The following SNTB1 variants were observed in gnomAD, a reference collection of about 807,000 sequenced individuals.
SNTB1 encodes the protein beta-1-syntrophin.
A neutral mutation model predicts 48.9 loss-of-function variants in SNTB1; 36 were observed. The observed-to-expected ratio is 0.74, with a 90% CI of 0.56 to 0.97. The LOEUF (loss-of-function observed/expected upper bound fraction) is 0.97, where lower values mean the gene tolerates loss of function less well. SNTB1 is among the 50% of genes least tolerant of loss of function. SNTB1 has a pLI of 0.00. For missense variants in SNTB1, 786 were observed against 703.4 expected, an observed-to-expected ratio of 1.12 and a Z score of -1.33; for synonymous variants, 299 against 294.6, an observed-to-expected ratio of 1.01 and a Z score of -0.15.
At chr8:120,790,614 A>C (rs1330217206) in intron 1 of SNTB1, among the ~76,000 whole-genome samples, 1 of 152,016 alleles carries the variant, frequency 6.6e-6, no homozygotes, top group Non-Finnish European at 1.5e-5. Context: ...GAATAAAACC[A>C]AGAACACAAT....
intron 1 of SNTB1, among the ~76,000 whole-genome samples, chr8:120,726,150 C>G (rs1448474662): frequency 6.6e-6 from 1 of 152,164 alleles, no homozygotes; most frequent in Non-Finnish European, 1.5e-5. Context: ...ATAAGCAAAA[C>G]TATTTTCCTC....
intron 2 of SNTB1, among the ~76,000 whole-genome samples, chr8:120,687,468 T>C (rs992801106): frequency 4.0e-5 from 6 of 151,644 alleles, no homozygotes; most frequent in South Asian, 2.1e-4. Flanking sequence ...GGAGTGGGAG[T>C]GTTGGCAAAG....
intron 2 of SNTB1, among the ~76,000 whole-genome samples, chr8:120,676,915 C>T: frequency 6.6e-6 from 1 of 151,928 alleles, no homozygotes; most frequent in Non-Finnish European, 1.5e-5. Context: ...CAAAAATTAG[C>T]TGGGCATGGT....
chr8:120,660,256 A>G (rs1216197439), intron 2 of SNTB1, among the ~76,000 whole-genome samples: 1 of 152,206 alleles, frequency 6.6e-6, no homozygotes, highest in Non-Finnish European at 1.5e-5. Context: ...TCTTCTTCCA[A>G]TTCTAGGCTG....
intron 1 of SNTB1, among the ~76,000 whole-genome samples, chr8:120,766,756 GT>G (rs1819532525): frequency 6.6e-6 from 1 of 152,134 alleles, no homozygotes; most frequent in African/African-American, 2.4e-5. Flanking sequence ...GCATATCATT[GT>G]TAAATCTACT....
intron 2 of SNTB1, among the ~76,000 whole-genome samples, chr8:120,693,329 AC>A (rs1818158505): frequency 6.6e-6 from 1 of 152,166 alleles, no homozygotes; most frequent in Admixed American, 6.5e-5. Flanking sequence ...AGTTCTCACA[AC>A]CAAACAAGGC....
At chr8:120,703,478 A>T (rs2129896378) in intron 1 of SNTB1, among the ~76,000 whole-genome samples, 1 of 152,270 alleles carries the variant, frequency 6.6e-6, no homozygotes, top group Admixed American at 6.5e-5. Flanking sequence ...TTTATTACAG[A>T]TCAAGTAGCA....
chr8:120,627,470 A>G (rs981536376), intron 3 of SNTB1, among the ~76,000 whole-genome samples: 17 of 152,234 alleles, frequency 1.1e-4, no homozygotes, highest in Non-Finnish European at 2.1e-4. Flanking sequence ...TCTGTGGAAG[A>G]TAAAAGAAGG....
At chr8:120,566,288 C>G (rs1461070935) in intron 4 of SNTB1, among the ~76,000 whole-genome samples, 1 of 133,384 alleles carries the variant, frequency 7.5e-6, no homozygotes, top group African/African-American at 2.7e-5. Context: ...GAGATTGCGC[C>G]ATTGCACTCT....
chr8:120,774,777 C>T (rs1163266187), intron 1 of SNTB1, among the ~76,000 whole-genome samples: 1 of 151,970 alleles, frequency 6.6e-6, no homozygotes, highest in Non-Finnish European at 1.5e-5. Flanking sequence ...CCTCAACCTC[C>T]CAAGTAGCTG....
chr8:120,539,602 C>T (rs894536550), intron 6 of SNTB1, among the ~76,000 whole-genome samples: 5 of 152,174 alleles, frequency 3.3e-5, no homozygotes, highest in Admixed American at 2.0e-4. Flanking sequence ...TCCTTGAGAA[C>T]CTGGCACATG....
At chr8:120,648,641 T>C (rs1378455938) in intron 2 of SNTB1, among the ~76,000 whole-genome samples, 10 of 151,890 alleles carry the variant, frequency 6.6e-5, no homozygotes, top group Admixed American at 6.6e-4. Flanking sequence ...GACAATTGTG[T>C]GTCTTGGAGT....
intron 2 of SNTB1, among the ~76,000 whole-genome samples, chr8:120,679,006 T>C (rs1198387193): frequency 6.6e-6 from 1 of 152,208 alleles, no homozygotes; most frequent in Non-Finnish European, 1.5e-5. Flanking sequence ...CCCAGGGCTA[T>C]AGTCCTCTCC....
At chr8:120,564,601 T>C (rs1815720529) in intron 4 of SNTB1, among the ~76,000 whole-genome samples, 1 of 147,730 alleles carries the variant, frequency 6.8e-6, no homozygotes, top group South Asian at 2.2e-4. Flanking sequence ...AGAGTTTTGC[T>C]CTTGTTGCCC....
intron 1 of SNTB1, among the ~76,000 whole-genome samples, chr8:120,784,101 C>G (rs1335416156): frequency 6.6e-6 from 1 of 152,086 alleles, no homozygotes; most frequent in Non-Finnish European, 1.5e-5. Context: ...TCAAGCAATT[C>G]TCCTGCCTCA....
At chr8:120,730,204 G>C (rs953140374) in intron 1 of SNTB1, among the ~76,000 whole-genome samples, 1 of 151,880 alleles carries the variant, frequency 6.6e-6, no homozygotes, top group Admixed American at 6.6e-5. Flanking sequence ...TGTCGCCTAG[G>C]CTGGAGTGCA....
intron 3 of SNTB1, among the ~76,000 whole-genome samples, chr8:120,586,509 T>C (rs1280660969): frequency 1.3e-5 from 2 of 152,208 alleles, no homozygotes; most frequent in East Asian, 3.9e-4. Context: ...CTGCTGTTTC[T>C]GTCACCACGT....
At chr8:120,664,943 G>A (rs185869882) in intron 2 of SNTB1, among the ~76,000 whole-genome samples, 5 of 152,184 alleles carry the variant, frequency 3.3e-5, no homozygotes, top group African/African-American at 1.2e-4. Context: ...CTAATATAGT[G>A]ATCATTTTTA....
intron 4 of SNTB1, chr8:120,571,296 G>A: frequency 7.8e-7 from 1 of 1,287,772 alleles, no homozygotes; most frequent in Non-Finnish European, 1.0e-6. Flanking sequence ...AGTGACTGTG[G>A]TCTAATCTTT....
Sources: allele counts gnomAD v4.1 joint callset (sites outside exome capture counted in the v4.1 genomes callset), GRCh38; gene constraint gnomAD v4.1.1; transcripts MANE v1.5; gene names NCBI Gene and HGNC (gene_info 2026-07-23, HGNC 2026-07-21).